LRRC8D: variants seen among roughly 807,000 people sequenced by gnomAD.
LRRC8D encodes volume-regulated anion channel subunit LRRC8D.
LRRC8D carries 20 observed loss-of-function variants against 55.8 expected under a neutral mutation model. That is an observed-to-expected ratio of 0.36 (90% CI 0.25 to 0.52). LRRC8D has a LOEUF of 0.52. Ranked by LOEUF, LRRC8D falls within the 20% of genes least tolerant of loss-of-function variation. The probability of loss-of-function intolerance (pLI) is 0.93; values close to 1 mark genes in which losing one functional copy is unlikely to be tolerated. For missense variants in LRRC8D, 651 were observed against 1,030.8 expected (o/e 0.63, Z 5.05); for synonymous variants, 352 against 377.0 (o/e 0.93, Z 0.77).
chr1:89,844,177 A>C (rs1193638069), intron 2 of LRRC8D, among the ~76,000 whole-genome samples: 2 of 152,096 alleles, frequency 1.3e-5, no homozygotes, highest in Non-Finnish European at 2.9e-5. Flanking sequence ...CATACACATA[A>C]ATGTCCTGGG....
intron 2 of LRRC8D, among the ~76,000 whole-genome samples, chr1:89,864,588 G>A (rs1362699200): frequency 6.6e-6 from 1 of 152,052 alleles, no homozygotes; most frequent in South Asian, 2.1e-4. Context: ...ATCATGTTTT[G>A]CCTGGACTGC....
chr1:89,849,329 A>G (rs758676574), intron 2 of LRRC8D, among the ~76,000 whole-genome samples: 6 of 152,190 alleles, frequency 3.9e-5, no homozygotes, highest in African/African-American at 9.6e-5. Context: ...CAACCTAGGC[A>G]TATGGAATTT....
At position 89,936,462 on chromosome 1, in the gene LRRC8D, C is replaced by T. The variant is rs1312880080; in HGVS notation, c.*817C>T. ...AATTTTAATGACTTATTAACACAAC[C>T]TCCAGTATCACCACCATTTGGAAGA... is the stretch of plus-strand genomic sequence containing the variant. On this transcript the variant is annotated 3_prime_UTR_variant, in exon 3 of 3. Transcript: ENST00000337338. 1 of 154,376 alleles carries T rather than the reference C, an allele frequency of 6.5e-6. No homozygotes were observed. Among genetic ancestry groups the T allele is most frequent in the Non-Finnish European group, 1.5e-5 (1 of 68,026 alleles). The allele number at this position is 154,376 out of a possible 1,614,324, so 9.6% of individuals were successfully genotyped here. A position where few individuals can be genotyped will look rare whatever the true frequency, so the allele number is the denominator to read the frequency against.
In LRRC8D at chr1:89,935,139, T is replaced by A. The variant is rs377262856; in HGVS notation, c.2071T>A (p.Trp691Arg). 1 of 1,614,132 alleles carries A rather than the reference T, an allele frequency of 6.2e-7. No individual in the cohort carries two copies. Among genetic ancestry groups the A allele is most frequent in the African/African-American group, 1.3e-5 (1 of 74,950 alleles). The stretch of plus-strand genomic sequence containing the variant: ...AAAACGACTGACTTGTTTAAAATTA[T>A]GGCATAACAAAATTGTTACTATTCC... ...HLKRLTCLKLWHNKIVTIPPS... is the reference protein window; with the variant it reads ...HLKRLTCLKLRHNKIVTIPPS... Residue 691 changes from tryptophan to arginine, a missense_variant, in exon 3 of 3, where the codon TGG becomes AGG. This residue lies in a region of LRRC8D where 338 missense variants were observed against 479.4 expected (regional missense o/e 0.71). Coordinates refer to ENST00000337338, the MANE Select transcript of LRRC8D (RefSeq NM_001134479.2).
intron 2 of LRRC8D, among the ~76,000 whole-genome samples, chr1:89,893,583 A>G: frequency 6.6e-6 from 1 of 152,198 alleles, no homozygotes; most frequent in Non-Finnish European, 1.5e-5. Context: ...TTGTTTTCCC[A>G]AGCATACATT....
chr1:89,825,567 T>A (rs1205877608), intron 1 of LRRC8D, among the ~76,000 whole-genome samples: 1 of 152,210 alleles, frequency 6.6e-6, no homozygotes, highest in Non-Finnish European at 1.5e-5. Context: ...CTAAGCTTTG[T>A]TTTCTTTTTT....
chr1:89,894,224 T>G (rs908777581), intron 2 of LRRC8D, among the ~76,000 whole-genome samples: 6 of 152,214 alleles, frequency 3.9e-5, no homozygotes, highest in African/African-American at 1.4e-4. Context: ...GTTGGTACCC[T>G]GATCTTAGAT....
chr1:89,821,518 C>T (rs1024123185), intron 1 of LRRC8D, among the ~76,000 whole-genome samples: 11 of 152,194 alleles, frequency 7.2e-5, no homozygotes, highest in Non-Finnish European at 4.4e-5. Context: ...GTTCCGCTTT[C>T]TGCAGTCTGA....
chr1:89,888,308 G>T (rs1304104666), intron 2 of LRRC8D, among the ~76,000 whole-genome samples: 2 of 152,176 alleles, frequency 1.3e-5, no homozygotes, highest in Non-Finnish European at 2.9e-5. Context: ...CACTGGAATT[G>T]AATAATAAGT....
intron 1 of LRRC8D, among the ~76,000 whole-genome samples, chr1:89,825,161 T>C (rs956078835): frequency 1.3e-5 from 2 of 152,212 alleles, no homozygotes; most frequent in Non-Finnish European, 2.9e-5. Flanking sequence ...GATGACTTTG[T>C]TGAAAACTGT....
chr1:89,862,165 T>C (rs1280063182), intron 2 of LRRC8D, among the ~76,000 whole-genome samples: 2 of 152,200 alleles, frequency 1.3e-5, no homozygotes, highest in Non-Finnish European at 2.9e-5. Flanking sequence ...GCGATTTTCT[T>C]CTATTAATAA....
chr1:89,853,744 A>G (rs1661481461), intron 2 of LRRC8D, among the ~76,000 whole-genome samples: 3 of 152,146 alleles, frequency 2.0e-5, no homozygotes, highest in Non-Finnish European at 4.4e-5. Flanking sequence ...ATTGGATCTG[A>G]CAGTTAGGTA....
chr1:89,931,797 T>C (rs962863268), intron 2 of LRRC8D, among the ~76,000 whole-genome samples: 2 of 152,042 alleles, frequency 1.3e-5, no homozygotes, highest in African/African-American at 2.4e-5. Context: ...AAAATTCATC[T>C]TCCATCCTTA....
chr1:89,904,110 G>C lies in LRRC8D; in HGVS notation c.-2-28957G>C, dbSNP rs928874560. On this transcript the variant is annotated intron_variant, in intron 2 of 2. Coordinates refer to ENST00000337338, the MANE Select transcript of LRRC8D (RefSeq NM_001134479.2). ...GAGGGCCTAAAGAATTAAAGTGGGT[G>C]GGGCAGGATGAAAACACTAATAGTA... 4.4e-4 allele frequency among the ~76,000 whole-genome samples: 67 copies of C among 152,196 alleles called. 2 individuals are homozygous for C. Among genetic ancestry groups the C allele is most frequent in the Admixed American group, 4.1e-3 (63 of 15,288 alleles).
intron 2 of LRRC8D, among the ~76,000 whole-genome samples, chr1:89,886,230 GTC>G (rs1449260582): frequency 2.6e-5 from 4 of 152,154 alleles, no homozygotes; most frequent in African/African-American, 9.7e-5. Context: ...AATTCATTTA[GTC>G]TCTGAAGAGT....
chr1:89,840,238 C>CAG (rs1661100351), intron 1 of LRRC8D, among the ~76,000 whole-genome samples: 1 of 152,054 alleles, frequency 6.6e-6, no homozygotes, highest in African/African-American at 2.4e-5. Context: ...TGCACACACA[C>CAG]ACACAAAAGC....
chr1:89,865,560 T>C (rs1661822337), intron 2 of LRRC8D, among the ~76,000 whole-genome samples: 1 of 152,128 alleles, frequency 6.6e-6, no homozygotes, highest in East Asian at 1.9e-4. Context: ...GTCTTTTGAC[T>C]GATAGTAGTA....
At chr1:89,838,969 T>C (rs1557443720) in intron 1 of LRRC8D, among the ~76,000 whole-genome samples, 2 of 152,374 alleles carry the variant, frequency 1.3e-5, no homozygotes, top group Non-Finnish European at 2.9e-5. Flanking sequence ...GGGTGTATGA[T>C]GCACTTGAGA....
intron 2 of LRRC8D, among the ~76,000 whole-genome samples, chr1:89,897,154 T>C (rs944902604): frequency 1.3e-5 from 2 of 152,266 alleles, no homozygotes; most frequent in African/African-American, 2.4e-5. Context: ...ACTATTGATG[T>C]ATGTACATCT....
Sources: allele counts gnomAD v4.1 joint callset (sites outside exome capture counted in the v4.1 genomes callset), GRCh38; gene constraint gnomAD v4.1.1; regional missense constraint gnomAD v4.1.1; transcripts MANE v1.5; gene names NCBI Gene and HGNC (gene_info 2026-07-23, HGNC 2026-07-21).